PRRT1B: variants seen among roughly 807,000 people sequenced by gnomAD.
PRRT1B encodes dispanin subfamily D member 2.
chr9:131,558,832 C>T (rs752298453), downstream of PRRT1B, among the ~76,000 whole-genome samples: 39 of 152,342 alleles, frequency 2.6e-4, no homozygotes, highest in Admixed American at 2.6e-4. Context: ...CGGAGCTTCA[C>T]ACTGCTACTT....
At chr9:131,556,282 C>CAT in intron 3 of PRRT1B, 69 bp downstream of exon 3, 1 of 400,022 alleles carries the variant, frequency 2.5e-6, no homozygotes, top group Non-Finnish European at 4.4e-6. Context: ...AGTGGGTCCA[C>CAT]AGAGCCCCTC....
chr9:131,545,608 C>A (rs1950967885), exon 1 of PRRT1B: 3 of 398,838 alleles, frequency 7.5e-6, no homozygotes, highest in Non-Finnish European at 1.3e-5. Flanking sequence ...CCGCCGCGGG[C>A]TCGGACCATG....
chr9:131,556,265 G>T (rs1951049015), intron 3 of PRRT1B, 52 bp downstream of exon 3: 1 of 400,356 alleles, frequency 2.5e-6, no homozygotes, highest in African/African-American at 2.1e-5. Flanking sequence ...GCAGCCACTG[G>T]CGCCCCAGTG....
intron 1 of PRRT1B, among the ~76,000 whole-genome samples, chr9:131,547,951 G>A (rs1271910798): frequency 1.3e-5 from 2 of 152,130 alleles, no homozygotes; most frequent in Non-Finnish European, 2.9e-5. Context: ...CACCGGTCAC[G>A]GACTTGGGAA....
At chr9:131,554,434 G>C (rs1461790394) in intron 1 of PRRT1B, 123 bp from the exon 2 acceptor site, 3 of 365,288 alleles carry the variant, frequency 8.2e-6, no homozygotes, top group Non-Finnish European at 9.8e-6. Context: ...GTCCCTTTGC[G>C]TCACGATCCT....
At chr9:131,545,695 GGGCAGGTACTGGCGA>G (rs1564415242) in intron 1 of PRRT1B, 55 bp downstream of exon 1, 43 of 358,616 alleles carry the variant, frequency 1.2e-4, no homozygotes, top group Non-Finnish European at 1.9e-4. Context: ...GGTACTGGCG[GGGCAGGTACTGGCGA>G]GGCAGGTACT....
chr9:131,554,414 C>T (rs1188271702), intron 1 of PRRT1B, 143 bp from the exon 2 acceptor site: 1 of 370,190 alleles, frequency 2.7e-6, no homozygotes, highest in African/African-American at 2.1e-5. Flanking sequence ...CCCTCTGGGC[C>T]TGTTTTTTAG....
intron 1 of PRRT1B, among the ~76,000 whole-genome samples, chr9:131,549,094 T>A (rs901879792): frequency 6.6e-6 from 1 of 152,166 alleles, no homozygotes; most frequent in Non-Finnish European, 1.5e-5. Context: ...TACATTTTAT[T>A]ACCCAATCCG....
rs865928616 is a variant in PRRT1B, at chr9:131,554,538, C to A, written c.26-19C>A. The A allele has an allele frequency of 2.5e-6, 1 of 393,452 alleles. No individual in the cohort carries two copies. The highest frequency in any genetic ancestry group is 3.6e-5 in the East Asian group (1 of 27,824). The allele number at this position is 393,452 out of a possible 1,614,324, so 24.4% of individuals were successfully genotyped here. On this transcript the variant is annotated intron_variant, in intron 1 of 3. Transcript: ENST00000636672. ...AGCCCGGCGGCCTCTTGCTCACGAC[C>A]GCTGCCATTTCTTTCTAGGGTCCGA...
intron 3 of PRRT1B, among the ~76,000 whole-genome samples, chr9:131,556,798 A>T (rs1017264515): frequency 1.3e-5 from 2 of 151,942 alleles, no homozygotes; most frequent in African/African-American, 4.8e-5. Flanking sequence ...TGCCCAGCTA[A>T]TTTTTTGTAT....
Position 131,548,426 on chromosome 9 carries a change from G to C in PRRT1B, c.25+2786G>C, listed in dbSNP as rs540731729. 2.3e-4 allele frequency among the ~76,000 whole-genome samples: 35 copies of C among 152,174 alleles called. No individual in the cohort carries two copies. The East Asian group carries it at 6.7e-3, about 29-fold the overall frequency. On this transcript the variant is annotated intron_variant, in intron 1 of 3. Coordinates refer to ENST00000636672, the Ensembl canonical transcript of PRRT1B. ...GTGTCTTATTTTCTTCTGCAACACC[G>C]CTTGACCCCAATACAAACTCGACAG...
intron 1 of PRRT1B, among the ~76,000 whole-genome samples, chr9:131,546,821 G>C (rs376103923): frequency 6.6e-6 from 1 of 152,140 alleles, no homozygotes; most frequent in Non-Finnish European, 1.5e-5. Flanking sequence ...CCGCGCCATC[G>C]GGCCAGATAT....
At chr9:131,550,515 T>A (rs945560059) in intron 1 of PRRT1B, among the ~76,000 whole-genome samples, 1 of 152,220 alleles carries the variant, frequency 6.6e-6, no homozygotes, top group African/African-American at 2.4e-5. Context: ...ATAATTCTCA[T>A]GAAAACACAC....
In PRRT1B at chr9:131,548,432, C is replaced by T. The variant is rs112041084; in HGVS notation, c.25+2792C>T. Among the ~76,000 whole-genome samples the T allele has an allele frequency of 7.1e-3, 1,086 of 152,300 alleles. 7 individuals are homozygous for T. The highest frequency in any genetic ancestry group is 0.025 in the African/African-American group (1,040 of 41,546). On this transcript the variant is annotated intron_variant, in intron 1 of 3. Coordinates refer to ENST00000636672, the Ensembl canonical transcript of PRRT1B. Reference sequence around the variant, plus strand: ...TATTTTCTTCTGCAACACCGCTTGACCCCAATACAAACTCGACAGTGGTTC... The same window carrying T: ...TATTTTCTTCTGCAACACCGCTTGATCCCAATACAAACTCGACAGTGGTTC...
chr9:131,552,068 C>T (rs1951015807), intron 1 of PRRT1B, among the ~76,000 whole-genome samples: 1 of 152,266 alleles, frequency 6.6e-6, no homozygotes, highest in Non-Finnish European at 1.5e-5. Flanking sequence ...GCTGGGATTA[C>T]CGGAGTGAGC....
chr9:131,546,727 C>CAAGAGCCT (rs946381715), intron 1 of PRRT1B, among the ~76,000 whole-genome samples: 10 of 150,838 alleles, frequency 6.6e-5, no homozygotes, highest in Non-Finnish European at 1.3e-4. Flanking sequence ...GCTCCGGTGT[C>CAAGAGCCT]AAGAGCCTGA....
At chr9:131,548,050 G>A (rs201238095) in intron 1 of PRRT1B, among the ~76,000 whole-genome samples, 11 of 152,104 alleles carry the variant, frequency 7.2e-5, no homozygotes, top group Non-Finnish European at 1.6e-4. Flanking sequence ...CCGTGGGGAC[G>A]CCTGCCTTGG....
At chr9:131,552,061 GGGATTACC>G (rs1443683196) in intron 1 of PRRT1B, among the ~76,000 whole-genome samples, 6 of 152,178 alleles carry the variant, frequency 3.9e-5, no homozygotes, top group Middle Eastern at 3.2e-3. Flanking sequence ...CCAAACTGCT[GGGATTACC>G]GGAGTGAGCC....
intron 1 of PRRT1B, among the ~76,000 whole-genome samples, chr9:131,547,007 C>CGAGATGACGCGGGTTA (rs2132005519): frequency 6.7e-6 from 1 of 150,018 alleles, no homozygotes; most frequent in African/African-American, 2.5e-5. Context: ...AAAGCGCGCC[C>CGAGATGACGCGGGTTA]GAGATGACGC....
Sources: allele counts gnomAD v4.1 joint callset (sites outside exome capture counted in the v4.1 genomes callset), GRCh38; gene constraint gnomAD v4.1.1; transcripts MANE v1.5; gene names NCBI Gene and HGNC (gene_info 2026-07-23, HGNC 2026-07-21).